Variants in CHD7 observed in about 807,000 individuals in gnomAD.
The protein encoded by CHD7 is chromodomain helicase DNA binding protein 7, also known as ATP-dependent chromatin remodeler CHD7.
Under a neutral mutation model 307.3 loss-of-function variants are expected in CHD7, and 24 were observed. The observed-to-expected ratio is 0.08, with a 90% CI of 0.06 to 0.11. The LOEUF is 0.11. CHD7 is among the 10% of genes least tolerant of loss of function. The pLI is 1.00. For synonymous variants in CHD7, 1,363 were observed against 1,349.9 expected (o/e 1.01, Z -0.21); for missense variants, 3,106 against 3,727.1 (o/e 0.83, Z 4.34).
At chr8:60,832,010 T>TA (rs534599978) in intron 15 of CHD7, among the ~76,000 whole-genome samples, 2 of 151,798 alleles carry the variant, frequency 1.3e-5, no homozygotes, top group Non-Finnish European at 1.5e-5. Flanking sequence ...AATTTCTTTT[T>TA]TATATATATA....
At chr8:60,767,637 T>C (rs1810533578) in intron 2 of CHD7, among the ~76,000 whole-genome samples, 1 of 152,210 alleles carries the variant, frequency 6.6e-6, no homozygotes, top group Non-Finnish European at 1.5e-5. Context: ...AGAGGCTTCC[T>C]GTCCTTAACT....
intron 1 of CHD7, among the ~76,000 whole-genome samples, chr8:60,727,020 G>A (rs1325165331): frequency 6.6e-6 from 1 of 152,148 alleles, no homozygotes; most frequent in Admixed American, 6.5e-5. Context: ...TGCTTACATA[G>A]TGCTTTCTAA....
intron 35 of CHD7, chr8:60,861,605 G>C (rs973579298): frequency 6.4e-6 from 1 of 156,152 alleles, no homozygotes. Context: ...TATATTAAAC[G>C]TTAGACAGTT....
chr8:60,853,526 C>A, intron 31 of CHD7, 26 bp downstream of exon 31: 1 of 1,483,606 alleles, frequency 6.7e-7, no homozygotes, highest in South Asian at 1.5e-5. Flanking sequence ...TGGCCCCTCT[C>A]CTGACCCTGC....
At position 60,845,413 on chromosome 8, in the gene CHD7, T is replaced by C. The variant is rs1477364304; in HGVS notation, c.5210+4T>C. ...ACCTGAAGCATCACTGTAACAAGTA[T>C]GTTATTAGAGGGTGGACCTGGAGAG... On this transcript the variant is annotated splice_donor_region_variant and intron_variant, in intron 23 of 37. Transcript: ENST00000423902. 6.2e-7 allele frequency: 1 copy of C among 1,613,580 alleles called. No homozygotes were observed. Among genetic ancestry groups the C allele is most frequent in the Non-Finnish European group, 8.5e-7 (1 of 1,179,682 alleles).
At chr8:60,774,281 A>G (rs745995706) in intron 2 of CHD7, among the ~76,000 whole-genome samples, 17 of 152,238 alleles carry the variant, frequency 1.1e-4, no homozygotes, top group Non-Finnish European at 2.2e-4. Context: ...TTTCGGTTCC[A>G]TCATTTATGA....
intron 7 of CHD7, among the ~76,000 whole-genome samples, chr8:60,810,026 T>A (rs1235367778): frequency 6.6e-6 from 1 of 152,208 alleles, no homozygotes; most frequent in African/African-American, 2.4e-5. Context: ...GACTTGTGGC[T>A]TCTCATTTTA....
At chr8:60,714,918 A>C (rs889806476) in intron 1 of CHD7, among the ~76,000 whole-genome samples, 2 of 152,228 alleles carry the variant, frequency 1.3e-5, no homozygotes, top group African/African-American at 4.8e-5. Flanking sequence ...TGAATGAATG[A>C]ATGCGGTGGA....
intron 9 of CHD7, among the ~76,000 whole-genome samples, chr8:60,821,546 A>G (rs939912519): frequency 2.1e-5 from 3 of 145,546 alleles, no homozygotes; most frequent in Non-Finnish European, 2.9e-5. Flanking sequence ...GTATATATGT[A>G]TATATATAAG....
intron 1 of CHD7, among the ~76,000 whole-genome samples, chr8:60,696,839 G>C (rs539381775): frequency 2.7e-5 from 4 of 149,818 alleles, no homozygotes; most frequent in African/African-American, 9.8e-5. Flanking sequence ...TTCAAATTTT[G>C]CATGTTTTTT....
rs932165314 is a variant in CHD7, at chr8:60,838,076, G to A, written c.4354G>A (p.Val1452Ile). Reference protein sequence around the residue: ...MSGRENATNGVQQLSKKEIED... With the variant: ...MSGRENATNGIQQLSKKEIED... ...TATTTTAAATATTTCTCTAAAACAG[G>A]TACAACAGCTTTCCAAGAAAGAAAT... Residue 1452 changes from valine to isoleucine, a missense_variant and splice_region_variant, in exon 19 of 38, where the codon GTA (valine) becomes ATA (isoleucine). This residue lies in a region of CHD7 where 93 missense variants were observed against 176.4 expected (regional missense o/e 0.53). Coordinates refer to ENST00000423902, the MANE Select transcript of CHD7 (RefSeq NM_017780.4). 2.7e-6 allele frequency: 4 copies of A among 1,502,056 alleles called. No individual in the cohort carries two copies. Among genetic ancestry groups the A allele is most frequent in the South Asian group, 1.3e-5 (1 of 74,572 alleles). 93.0% of individuals were successfully genotyped at this position (1,502,056 alleles called of 1,614,324 possible). A position where few individuals can be genotyped will look rare whatever the true frequency, so the allele number is the denominator to read the frequency against.
chr8:60,702,563 T>A (rs561737650), intron 1 of CHD7, among the ~76,000 whole-genome samples: 24 of 152,356 alleles, frequency 1.6e-4, no homozygotes, highest in Admixed American at 2.0e-4. Flanking sequence ...AGGTGGAGAC[T>A]GTGATCTTGG....
intron 2 of CHD7, among the ~76,000 whole-genome samples, chr8:60,769,234 G>C (rs942425846): frequency 2.0e-5 from 3 of 152,142 alleles, no homozygotes; most frequent in Non-Finnish European, 4.4e-5. Flanking sequence ...AACTGAAACA[G>C]CTCAGTTCAG....
chr8:60,757,415 A>T (rs1366597524), intron 2 of CHD7, among the ~76,000 whole-genome samples: 1 of 152,226 alleles, frequency 6.6e-6, no homozygotes, highest in African/African-American at 2.4e-5. Flanking sequence ...TTTAAAAAAA[A>T]TTCTCTTTTT....
At chr8:60,826,037 C>T (rs2150755990) in intron 13 of CHD7, among the ~76,000 whole-genome samples, 1 of 152,270 alleles carries the variant, frequency 6.6e-6, no homozygotes, top group African/African-American at 2.4e-5. Flanking sequence ...ATTATTTATA[C>T]TAACATTTGA....
rs373869399 is a variant in CHD7, at chr8:60,850,527, C to T, written c.5439C>T (p.Pro1813=). The T allele has an allele frequency of 1.8e-4, 288 of 1,613,640 alleles. 5 individuals carry two copies. In the South Asian group the frequency reaches 2.3e-3, roughly 13 times the overall value. ...YEKYNSMRAD[P]ALCFLERVGM... ...AGTACAACTCCATGCGAGCTGACCCCGCGCTGTGCTTTCTGGAACGAGTCG... is the reference window on the plus strand; with the variant it reads ...AGTACAACTCCATGCGAGCTGACCCTGCGCTGTGCTTTCTGGAACGAGTCG... The change falls in exon 26 of 38, where the codon CCC becomes CCT. Residue 1813 remains proline, a synonymous_variant. Transcript: ENST00000423902.
intron 9 of CHD7, among the ~76,000 whole-genome samples, 161 bp from the exon 10 acceptor site, chr8:60,821,629 T>C (rs537126377): frequency 5.2e-4 from 78 of 150,312 alleles, no homozygotes; most frequent in African/African-American, 1.2e-3. Flanking sequence ...TATATACATA[T>C]GTATATGTAT....
At chr8:60,840,222 C>T (rs1804911380) in intron 19 of CHD7, among the ~76,000 whole-genome samples, 1 of 152,228 alleles carries the variant, frequency 6.6e-6, no homozygotes, top group South Asian at 2.1e-4. Flanking sequence ...CTAGCCGCTC[C>T]AATCTGGAAA....
intron 1 of CHD7, among the ~76,000 whole-genome samples, chr8:60,737,273 A>T (rs895479520): frequency 6.6e-6 from 1 of 152,162 alleles, no homozygotes. Context: ...AAGGAAATTC[A>T]CTTCTATTTG....
Sources: allele counts gnomAD v4.1 joint callset (sites outside exome capture counted in the v4.1 genomes callset), GRCh38; gene constraint gnomAD v4.1.1; regional missense constraint gnomAD v4.1.1; transcripts MANE v1.5; gene names NCBI Gene and HGNC (gene_info 2026-07-23, HGNC 2026-07-21).